CTNNA2: variants seen among roughly 807,000 people sequenced by gnomAD.
The protein encoded by CTNNA2 is catenin alpha-2.
Under a neutral mutation model 101.0 loss-of-function variants are expected in CTNNA2, and 42 were observed. The ratio of observed to expected loss-of-function variants is 0.42; its 90% CI spans 0.32 to 0.54. The LOEUF (loss-of-function observed/expected upper bound fraction) is 0.54, where lower values mean the gene tolerates loss of function less well. Among genes scored for constraint, CTNNA2 ranks in the 20% least tolerant of loss-of-function variants. CTNNA2 has a pLI of 0.14. For synonymous variants in CTNNA2, 450 were observed against 456.4 expected (o/e 0.99, Z 0.18); for missense variants, 871 against 1,223.1 (o/e 0.71, Z 4.29).
intron 1 of CTNNA2, chr2:79,634,395 T>C (rs773355245): frequency 3.9e-5 from 6 of 152,228 alleles, no homozygotes; most frequent in Non-Finnish European, 1.5e-5. Flanking sequence ...GATCCTGTAC[T>C]ATTTTGTGGA....
intron 7 of CTNNA2, among the ~76,000 whole-genome samples, chr2:80,145,882 G>A (rs1161399680): frequency 6.6e-6 from 1 of 152,212 alleles, no homozygotes; most frequent in Non-Finnish European, 1.5e-5. Context: ...GATTATAGAT[G>A]TCTAAAGATG....
intron 7 of CTNNA2, among the ~76,000 whole-genome samples, chr2:80,308,375 A>G (rs1677224359): frequency 6.6e-6 from 1 of 152,156 alleles, no homozygotes; most frequent in Admixed American, 6.5e-5. Flanking sequence ...ACCAGCCTGG[A>G]CCTTGATCTT....
intron 4 of CTNNA2, among the ~76,000 whole-genome samples, chr2:79,482,258 G>A (rs1671116756): frequency 6.6e-6 from 1 of 152,176 alleles, no homozygotes. Flanking sequence ...GGGTCTCAAA[G>A]GATTAGGAGT....
chr2:79,821,473 C>T (rs1678002150), intron 3 of CTNNA2, among the ~76,000 whole-genome samples: 1 of 152,116 alleles, frequency 6.6e-6, no homozygotes, highest in South Asian at 2.1e-4. Flanking sequence ...CCTTTCAAAG[C>T]TTTAGGATTA....
Position 80,227,495 on chromosome 2 carries a change from G to T in CTNNA2, c.1057-165716G>T, listed in dbSNP as rs1042180574. On this transcript the variant is annotated intron_variant, in intron 7 of 18. Coordinates refer to ENST00000402739, the MANE Select transcript of CTNNA2 (RefSeq NM_001282597.3). ...CGCCCAGCCCTTACTGATATTTCCA[G>T]GCATTCAGCCATCTATTTGATAATT... 1.3e-5 allele frequency among the ~76,000 whole-genome samples: 2 copies of T among 152,256 alleles called. 1 individual carries two copies. The highest frequency in any genetic ancestry group is 4.1e-4 in the South Asian group (2 of 4,822).
intron 15 of CTNNA2, among the ~76,000 whole-genome samples, chr2:80,601,421 C>CTTTTTTTTTTTTTTTTTT (rs56921519): frequency 1.2e-4 from 10 of 84,370 alleles, no homozygotes; most frequent in African/African-American, 3.8e-4. Context: ...TTCTTTCTTT[C>CTTTTTTTTTTTTTTTTTT]TTTTTTTTTT....
intron 9 of CTNNA2, among the ~76,000 whole-genome samples, chr2:80,526,497 T>C (rs1327590550): frequency 6.6e-6 from 1 of 152,030 alleles, no homozygotes; most frequent in Non-Finnish European, 1.5e-5. Context: ...CACGCCTGGC[T>C]AATTTTTGTA....
intron 3 of CTNNA2, among the ~76,000 whole-genome samples, chr2:79,362,362 T>C (rs1677650416): frequency 6.6e-6 from 1 of 152,260 alleles, no homozygotes; most frequent in Non-Finnish European, 1.5e-5. Flanking sequence ...CAACATGTTT[T>C]GAACTATGTA....
intron 3 of CTNNA2, among the ~76,000 whole-genome samples, chr2:79,317,743 C>A (rs1448387322): frequency 2.0e-5 from 3 of 152,004 alleles, no homozygotes; most frequent in Non-Finnish European, 4.4e-5. Flanking sequence ...AGCCCATCTG[C>A]AAATTTATCA....
chr2:80,243,491 T>A (rs1671095742), intron 7 of CTNNA2, among the ~76,000 whole-genome samples: 1 of 152,188 alleles, frequency 6.6e-6, no homozygotes, highest in South Asian at 2.1e-4. Context: ...AGTTTGTATT[T>A]TCTAGACTTT....
chr2:79,926,869 C>T (rs77499756), intron 7 of CTNNA2, among the ~76,000 whole-genome samples: 1,961 of 151,640 alleles, frequency 0.013, 108 homozygotes, highest in Admixed American at 0.098. Flanking sequence ...TAAGTCCCTT[C>T]CAAATAATAA....
At chr2:80,471,438 T>C (rs1222817776) in intron 9 of CTNNA2, among the ~76,000 whole-genome samples, 2 of 152,200 alleles carry the variant, frequency 1.3e-5, no homozygotes, top group Non-Finnish European at 2.9e-5. Flanking sequence ...CGTATGTTTT[T>C]AACCCTACTG....
At chr2:80,359,860 A>G (rs1239838373) in intron 7 of CTNNA2, among the ~76,000 whole-genome samples, 1 of 151,850 alleles carries the variant, frequency 6.6e-6, no homozygotes, top group African/African-American at 2.4e-5. Flanking sequence ...CATAATCTTG[A>G]CTCCTTTTTT....
intron 7 of CTNNA2, among the ~76,000 whole-genome samples, chr2:79,960,650 A>G (rs532268412): frequency 2.2e-4 from 33 of 152,380 alleles, no homozygotes; most frequent in Admixed American, 6.5e-4. Flanking sequence ...TAAAGGTAAC[A>G]AAGACCTTAA....
intron 7 of CTNNA2, among the ~76,000 whole-genome samples, chr2:80,267,075 C>T (rs1158826340): frequency 6.6e-6 from 1 of 152,136 alleles, no homozygotes; most frequent in East Asian, 1.9e-4. Context: ...GTCAGGCTCC[C>T]CAGTCTCCAG....
At chr2:79,336,718 A>T (rs900688448) in intron 3 of CTNNA2, among the ~76,000 whole-genome samples, 2 of 152,186 alleles carry the variant, frequency 1.3e-5, no homozygotes, top group African/African-American at 4.8e-5. Context: ...CCCTCCCTGG[A>T]ATCCAGGACA....
chr2:79,618,126 C>T (rs1678755769), intron 1 of CTNNA2, among the ~76,000 whole-genome samples: 1 of 152,120 alleles, frequency 6.6e-6, no homozygotes. Context: ...AAGCCATGTG[C>T]CAAGGCTGGG....
chr2:80,235,021 C>G (rs1709468636), intron 7 of CTNNA2, among the ~76,000 whole-genome samples: 1 of 152,080 alleles, frequency 6.6e-6, no homozygotes, highest in Admixed American at 6.6e-5. Flanking sequence ...AAAATTTGCA[C>G]TACATTCGTT....
intron 1 of CTNNA2, among the ~76,000 whole-genome samples, chr2:79,188,670 G>C (rs1673813847): frequency 6.6e-6 from 1 of 152,162 alleles, no homozygotes; most frequent in African/African-American, 2.4e-5. Context: ...AGGACAGGTT[G>C]AATTCACATA....
Sources: allele counts gnomAD v4.1 joint callset (sites outside exome capture counted in the v4.1 genomes callset), GRCh38; gene constraint gnomAD v4.1.1; transcripts MANE v1.5; gene names NCBI Gene and HGNC (gene_info 2026-07-23, HGNC 2026-07-21).